The following ATG7 variants were observed in gnomAD, a reference collection of about 807,000 sequenced individuals.
ATG7 encodes autophagy related 7.
A neutral mutation model predicts 82.4 loss-of-function variants in ATG7; 70 were observed. The observed-to-expected ratio is 0.85, with a 90% CI of 0.70 to 1.04. The LOEUF (loss-of-function observed/expected upper bound fraction) is 1.04, where lower values mean the gene tolerates loss of function less well. Ranked by LOEUF, ATG7 falls within the 50% of genes least tolerant of loss-of-function variation. The pLI is 0.00. For missense variants in ATG7, 792 were observed against 864.3 expected (o/e 0.92, Z 1.05); for synonymous variants, 287 against 313.0 (o/e 0.92, Z 0.88).
chr3:11,511,430 A>C (rs968769948), intron 20 of ATG7, among the ~76,000 whole-genome samples: 9 of 152,242 alleles, frequency 5.9e-5, no homozygotes, highest in South Asian at 4.1e-4. Flanking sequence ...GCATTCACAA[A>C]CCTTGAGCTA....
At chr3:11,454,509 G>C (rs9848170) in intron 20 of ATG7, among the ~76,000 whole-genome samples, 78,213 of 152,084 alleles carry the variant, frequency 0.51, 20,759 homozygotes, top group East Asian at 0.67. Context: ...ACATGGAAGA[G>C]AGCTGAGCCT....
rs551038780 is a variant in ATG7 at position 11,463,114 on chromosome 3, A to G, written c.2079+36188A>G. Among the ~76,000 whole-genome samples, 31 of 152,036 alleles carry G rather than the reference A, an allele frequency of 2.0e-4. 1 individual carries two copies. In the South Asian group the frequency reaches 6.4e-3, roughly 32 times the overall value. On this transcript the variant is annotated intron_variant, in intron 20 of 20. Coordinates refer to ENST00000693202, the MANE Select transcript of ATG7 (RefSeq NM_001349232.2). Reference sequence around the variant, plus strand: ...TGATCAGGCTGGTCTCAAACTCCTGATCTCAGGTGATCTGCCCTCCTCCGC... The same window carrying G: ...TGATCAGGCTGGTCTCAAACTCCTGGTCTCAGGTGATCTGCCCTCCTCCGC...
intron 19 of ATG7, among the ~76,000 whole-genome samples, chr3:11,395,930 A>G (rs1157243762): frequency 3.4e-5 from 4 of 118,954 alleles, no homozygotes; most frequent in Non-Finnish European, 5.0e-5. Flanking sequence ...ACAGAGCGAG[A>G]CTCTGTCTCA....
intron 19 of ATG7, among the ~76,000 whole-genome samples, chr3:11,384,568 C>T (rs565176693): frequency 2.0e-5 from 3 of 152,242 alleles, no homozygotes; most frequent in African/African-American, 7.2e-5. Flanking sequence ...GCTGGTAAAT[C>T]GTACTTTGTT....
chr3:11,390,389 G>A (rs992675310), intron 19 of ATG7, among the ~76,000 whole-genome samples: 1 of 152,198 alleles, frequency 6.6e-6, no homozygotes, highest in African/African-American at 2.4e-5. Context: ...AATATCTGCT[G>A]TCTTTGCCTA....
chr3:11,469,059 T>C (rs1046723224), intron 20 of ATG7, among the ~76,000 whole-genome samples: 1 of 152,208 alleles, frequency 6.6e-6, no homozygotes, highest in Admixed American at 6.5e-5. Context: ...GCTAGGCCCA[T>C]TGTGAATCAA....
At chr3:11,527,098 CAT>C (rs2092601275) in intron 20 of ATG7, among the ~76,000 whole-genome samples, 25 of 125,560 alleles carry the variant, frequency 2.0e-4, no homozygotes, top group African/African-American at 3.9e-4. Context: ...TATATACATA[CAT>C]ATACATATAC....
chr3:11,323,817 G>A (rs534501256), intron 9 of ATG7, among the ~76,000 whole-genome samples: 1 of 152,262 alleles, frequency 6.6e-6, no homozygotes, highest in African/African-American at 2.4e-5. Flanking sequence ...AGTGCATTAG[G>A]TATTTCAGTT....
chr3:11,361,284 TTC>T (rs1322996801), intron 16 of ATG7, among the ~76,000 whole-genome samples: 3 of 151,850 alleles, frequency 2.0e-5, no homozygotes, highest in African/African-American at 7.3e-5. Flanking sequence ...TAATAATGAA[TTC>T]TTTTTTTTTT....
intron 19 of ATG7, among the ~76,000 whole-genome samples, chr3:11,396,201 CT>C (rs2079260090): frequency 6.6e-6 from 1 of 151,716 alleles, no homozygotes; most frequent in African/African-American, 2.4e-5. Context: ...AATCCCAGCA[CT>C]TTTGGAGGCT....
In ATG7 at chr3:11,555,719, T is replaced by TATTC. The variant is rs2072339322; in HGVS notation, c.*877_*880dup. Reference sequence around the variant, plus strand: ...TCAGGCAAGAGCTGGTTTTCCTCTTTATTCTGGGTGTGTGCAGCTGTGAGG... The same window carrying TATTC: ...TCAGGCAAGAGCTGGTTTTCCTCTTTATTCATTCTGGGTGTGTGCAGCTGTGAGG... On this transcript the variant is annotated 3_prime_UTR_variant, in exon 21 of 21. Coordinates refer to ENST00000693202, the MANE Select transcript of ATG7 (RefSeq NM_001349232.2). The TATTC allele has an allele frequency of 6.6e-6, 1 of 152,204 alleles. No homozygotes were observed. Among genetic ancestry groups the TATTC allele is most frequent in the Admixed American group, 6.5e-5 (1 of 15,270 alleles). 9.4% of individuals were successfully genotyped at this position (152,204 alleles called of 1,614,324 possible).
At chr3:11,558,112 C>T (rs7614588), downstream of ATG7, 380 of 190,302 alleles carry the variant, frequency 2.0e-3, 1 homozygote, top group African/African-American at 8.4e-3. Context: ...AGTATACACA[C>T]GCACACACAT....
In ATG7 at chr3:11,557,328, C is replaced by T. The variant is rs1314706496; in HGVS notation, c.*2485C>T. On this transcript the variant is annotated 3_prime_UTR_variant, in exon 21 of 21. Coordinates refer to ENST00000693202, the MANE Select transcript of ATG7 (RefSeq NM_001349232.2). The stretch of plus-strand genomic sequence containing the variant: ...CGAGGAAGCGTATAAAACACCATAT[C>T]ACAGATTGTCTGTCAGTAATCTGCT... 1 of 146,590 alleles carries T rather than the reference C, an allele frequency of 6.8e-6. No individual in the cohort carries two copies. The highest frequency in any genetic ancestry group is 1.5e-5 in the Non-Finnish European group (1 of 67,966). The allele number at this position is 146,590 out of a possible 1,614,324, so 9.1% of individuals were successfully genotyped here.
At chr3:11,407,767 C>T (rs1252303133) in intron 19 of ATG7, among the ~76,000 whole-genome samples, 1 of 152,220 alleles carries the variant, frequency 6.6e-6, no homozygotes, top group African/African-American at 2.4e-5. Context: ...TGGCCCCTTT[C>T]AGCCACAGCT....
At chr3:11,398,611 G>C (rs944720392) in intron 19 of ATG7, among the ~76,000 whole-genome samples, 2 of 152,216 alleles carry the variant, frequency 1.3e-5, no homozygotes, top group African/African-American at 4.8e-5. Flanking sequence ...TCAGCACTTT[G>C]GGGGGTCAAG....
At chr3:11,400,526 A>AT (rs1313580830) in intron 19 of ATG7, among the ~76,000 whole-genome samples, 13 of 152,070 alleles carry the variant, frequency 8.5e-5, no homozygotes, top group South Asian at 2.1e-4. Context: ...ATATTTTCTG[A>AT]TTTTTTTTCC....
At chr3:11,536,100 CCAGCCAGGCTGTTTTCTCAGGGCT>C (rs1263497991) in intron 20 of ATG7, among the ~76,000 whole-genome samples, 1 of 152,138 alleles carries the variant, frequency 6.6e-6, no homozygotes, top group Non-Finnish European at 1.5e-5. Context: ...CCCTCCCAGC[CCAGCCAGGCTGTTTTCTCAGGGCT>C]GGTCTGTGAG....
chr3:11,372,805 TGTGTGTGTGTGCGCGC>T (rs2077093671), intron 18 of ATG7, among the ~76,000 whole-genome samples: 1 of 69,188 alleles, frequency 1.4e-5, no homozygotes, highest in Non-Finnish European at 2.3e-5. Context: ...GGGCTGGGTG[TGTGTGTGTGTGCGCGC>T]GTGTGCGTGT....
At chr3:11,348,131 A>G in intron 14 of ATG7, 96 bp downstream of exon 14, 5 of 1,464,060 alleles carry the variant, frequency 3.4e-6, no homozygotes, top group Non-Finnish European at 4.6e-6. Context: ...AGAGTCAGAT[A>G]TCTGTCACTT....
Sources: allele counts gnomAD v4.1 joint callset (sites outside exome capture counted in the v4.1 genomes callset), GRCh38; gene constraint gnomAD v4.1.1; transcripts MANE v1.5; gene names NCBI Gene and HGNC (gene_info 2026-07-23, HGNC 2026-07-21).